The following TUSC3 variants were observed in gnomAD, a reference collection of about 807,000 sequenced individuals.
TUSC3 encodes the protein dolichyl-diphosphooligosaccharide--protein glycosyltransferase subunit TUSC3.
Under a neutral mutation model 44.8 loss-of-function variants are expected in TUSC3, and 45 were observed. That is an observed-to-expected ratio of 1.00 (90% confidence interval 0.79 to 1.29). The LOEUF (loss-of-function observed/expected upper bound fraction) is 1.29. Ranked by LOEUF, TUSC3 falls within the 50% of genes most tolerant of loss-of-function variation. The pLI, the probability that TUSC3 is intolerant of heterozygous loss-of-function variation, is 0.00. For synonymous variants in TUSC3, 212 were observed against 152.9 expected (o/e 1.39, Z -2.85); for missense variants, 519 against 437.9 (o/e 1.19, Z -1.65).
chr8:15,421,177 A>G (rs1420377044), intron 1 of TUSC3, among the ~76,000 whole-genome samples: 3 of 152,152 alleles, frequency 2.0e-5, no homozygotes, highest in African/African-American at 7.2e-5. Context: ...TAACTTCCTT[A>G]TAGTTAACTT....
intron 9 of TUSC3, among the ~76,000 whole-genome samples, chr8:15,755,553 T>C (rs1811890172): frequency 6.6e-6 from 1 of 152,044 alleles, no homozygotes; most frequent in African/African-American, 2.4e-5. Context: ...GTCAGTGAAA[T>C]AGTAGGGTTA....
the TUSC3 span, among the ~76,000 whole-genome samples, chr8:15,771,670 T>A: frequency 6.6e-6 from 1 of 151,844 alleles, no homozygotes; most frequent in East Asian, 1.9e-4. Context: ...ACAGAAGAAG[T>A]CATAATGGAA....
At chr8:15,850,629 G>C in the TUSC3 span, among the ~76,000 whole-genome samples, 2 of 151,952 alleles carry the variant, frequency 1.3e-5, no homozygotes, top group Non-Finnish European at 2.9e-5. Flanking sequence ...GGTTCTATTT[G>C]TCCACCCTAA....
At chr8:15,754,912 A>G (rs1424322999) in intron 9 of TUSC3, among the ~76,000 whole-genome samples, 1 of 152,202 alleles carries the variant, frequency 6.6e-6, no homozygotes, top group Middle Eastern at 3.4e-3. Flanking sequence ...TAAGCCTTAC[A>G]AAACCTTAAA....
chr8:15,569,125 T>C (rs1386596583), intron 1 of TUSC3, among the ~76,000 whole-genome samples: 1 of 152,182 alleles, frequency 6.6e-6, no homozygotes, highest in Non-Finnish European at 1.5e-5. Flanking sequence ...ACTGTATGAT[T>C]AAGAGTACCA....
chr8:15,811,473 A>G, the TUSC3 span, among the ~76,000 whole-genome samples: 1 of 152,152 alleles, frequency 6.6e-6, no homozygotes, highest in African/African-American at 2.4e-5. Context: ...CCGACATTTC[A>G]CTGACCAGAA....
chr8:15,456,207 A>C (rs7818874), intron 1 of TUSC3, among the ~76,000 whole-genome samples: 128,282 of 152,048 alleles, frequency 0.84, 55,142 homozygotes, highest in Non-Finnish European at 0.92. Context: ...TGAGTAATAA[A>C]TCTGTATCCC....
the TUSC3 span, among the ~76,000 whole-genome samples, chr8:15,839,771 T>C: frequency 5.3e-5 from 8 of 152,304 alleles, no homozygotes; most frequent in African/African-American, 1.7e-4. Context: ...ACTTTTACAC[T>C]GTTGGTAGGA....
chr8:15,850,006 C>A, the TUSC3 span, among the ~76,000 whole-genome samples: 223 of 152,210 alleles, frequency 1.5e-3, no homozygotes, highest in Middle Eastern at 6.8e-3. Flanking sequence ...TACCATTCAT[C>A]TTCGACTTCC....
At chr8:15,491,599 C>G (rs1190322147) in intron 2 of TUSC3, among the ~76,000 whole-genome samples, 1 of 152,140 alleles carries the variant, frequency 6.6e-6, no homozygotes, top group Non-Finnish European at 1.5e-5. Context: ...TACACTGTGA[C>G]AAATAGGGCT....
chr8:15,828,009 TTTG>T, the TUSC3 span, among the ~76,000 whole-genome samples: 1 of 151,500 alleles, frequency 6.6e-6, no homozygotes, highest in Admixed American at 6.6e-5. Context: ...TTTTTTTTTT[TTTG>T]ACACGGAGTT....
intron 1 of TUSC3, among the ~76,000 whole-genome samples, chr8:15,468,714 G>A (rs1449869707): frequency 1.3e-5 from 2 of 152,060 alleles, no homozygotes; most frequent in East Asian, 3.9e-4. Context: ...GAATACAGAA[G>A]CAGAGAAAAA....
At chr8:15,505,933 C>A (rs551644676) in intron 2 of TUSC3, among the ~76,000 whole-genome samples, 2 of 152,070 alleles carry the variant, frequency 1.3e-5, no homozygotes, top group Non-Finnish European at 1.5e-5. Context: ...TACAAACATA[C>A]AATAGGATAC....
At chr8:15,587,663 C>G (rs751186300) in intron 1 of TUSC3, among the ~76,000 whole-genome samples, 4 of 152,022 alleles carry the variant, frequency 2.6e-5, no homozygotes, top group African/African-American at 9.7e-5. Flanking sequence ...AACACTAGAA[C>G]TTATTCCTCC....
intron 2 of TUSC3, among the ~76,000 whole-genome samples, chr8:15,640,408 T>G (rs1006718230): frequency 5.3e-5 from 8 of 152,222 alleles, no homozygotes; most frequent in African/African-American, 1.9e-4. Flanking sequence ...AATGTGACCA[T>G]GTGCTGATTC....
At chr8:15,830,982 T>G in the TUSC3 span, among the ~76,000 whole-genome samples, 1 of 147,188 alleles carries the variant, frequency 6.8e-6, no homozygotes, top group Non-Finnish European at 1.5e-5. Flanking sequence ...ACTGCTGGCA[T>G]GTGCAAGCAA....
At chr8:15,490,072 T>TA (rs1444239342) in intron 2 of TUSC3, among the ~76,000 whole-genome samples, 4 of 152,236 alleles carry the variant, frequency 2.6e-5, no homozygotes, top group Non-Finnish European at 5.9e-5. Flanking sequence ...CTTAAGTATG[T>TA]AAAACAGAAG....
At chr8:15,732,934 C>A (rs1449616151) in intron 7 of TUSC3, among the ~76,000 whole-genome samples, 1 of 152,132 alleles carries the variant, frequency 6.6e-6, no homozygotes, top group African/African-American at 2.4e-5. Context: ...CCATTTCTTG[C>A]TTACATTTAC....
At chr8:15,827,994 C>CT in the TUSC3 span, among the ~76,000 whole-genome samples, 13,113 of 138,062 alleles carry the variant, frequency 0.095, 1,770 homozygotes, top group African/African-American at 0.3. Flanking sequence ...AATTTGGTAT[C>CT]TTTTTTTTTT....
Sources: gnomAD v4.1 joint callset for allele counts (sites outside exome capture counted in the v4.1 genomes callset) on GRCh38, gnomAD v4.1.1 for gene constraint, MANE v1.5 for transcripts, NCBI Gene and HGNC (gene_info 2026-07-23, HGNC 2026-07-21) for gene names.